Variants in SPECC1 observed in about 807,000 individuals in gnomAD.
SPECC1 encodes sperm antigen with calponin homology and coiled-coil domains 1.
Under a neutral mutation model 104.1 loss-of-function variants are expected in SPECC1, and 62 were observed. That is an observed-to-expected ratio of 0.60 (90% confidence interval 0.49 to 0.74). The LOEUF is 0.74. Ranked by LOEUF, SPECC1 falls within the 30% of genes least tolerant of loss-of-function variation. SPECC1 has a pLI of 0.00. For synonymous variants in SPECC1, 513 were observed against 501.6 expected, an observed-to-expected ratio of 1.02 and a Z score of -0.30; for missense variants, 1,306 against 1,310.5, an observed-to-expected ratio of 1.00 and a Z score of 0.05.
chr17:20,154,839 A>G (rs771300714), intron 3 of SPECC1, among the ~76,000 whole-genome samples: 36 of 152,244 alleles, frequency 2.4e-4, no homozygotes, highest in Middle Eastern at 3.4e-3. Flanking sequence ...ATGTAGGGCT[A>G]TTTATGATAC....
At chr17:20,153,524 T>C (rs1481597902) in intron 3 of SPECC1, among the ~76,000 whole-genome samples, 3 of 152,138 alleles carry the variant, frequency 2.0e-5, no homozygotes, top group African/African-American at 7.2e-5. Flanking sequence ...CAGTAGCCCT[T>C]GTGAAGCAAA....
Position 20,115,005 on chromosome 17 carries a change from C to G in SPECC1, c.283+4443C>G, listed in dbSNP as rs1176159044. ...CAGGAATTATAGAATGTGTTATTCA[C>G]TCACTTAAAGGTACCTCTGTAGAAA... is the stretch of plus-strand genomic sequence containing the variant. On this transcript the variant is annotated intron_variant, in intron 3 of 14. Transcript: ENST00000395527. 2.0e-5 allele frequency among the ~76,000 whole-genome samples: 3 copies of G among 152,166 alleles called. No homozygotes were observed. The South Asian group carries it at 6.2e-4, about 32-fold the overall frequency.
intron 1 of SPECC1, among the ~76,000 whole-genome samples, chr17:20,022,219 G>A (rs192136420): frequency 3.3e-5 from 5 of 152,236 alleles, no homozygotes; most frequent in African/African-American, 9.6e-5. Flanking sequence ...GGGATTACAG[G>A]TGTGAGCCAC....
At chr17:20,117,325 T>C (rs1017226129) in intron 3 of SPECC1, among the ~76,000 whole-genome samples, 4 of 152,166 alleles carry the variant, frequency 2.6e-5, no homozygotes, top group African/African-American at 9.7e-5. Context: ...TTTGTAGTCT[T>C]GGCCTTGGAA....
At chr17:20,204,308 A>ATTT in intron 3 of SPECC1, 25 bp from the exon 4 acceptor site, 2 of 1,579,472 alleles carry the variant, frequency 1.3e-6, no homozygotes, top group Admixed American at 1.9e-5. Flanking sequence ...TTATTTTTTC[A>ATTT]TTTTTTTCTT....
intron 7 of SPECC1, chr17:20,238,394 C>T: frequency 9.6e-7 from 1 of 1,041,436 alleles, no homozygotes. Flanking sequence ...CAACCTCCAT[C>T]AGGCAGAAAC....
intron 1 of SPECC1, among the ~76,000 whole-genome samples, chr17:20,093,196 C>A (rs1797717069): frequency 6.6e-6 from 1 of 152,152 alleles, no homozygotes; most frequent in South Asian, 2.1e-4. Context: ...ATCAAGGTGC[C>A]ACTAGATTTG....
chr17:20,248,157 C>A (rs1483769700), intron 9 of SPECC1, among the ~76,000 whole-genome samples: 1 of 152,172 alleles, frequency 6.6e-6, no homozygotes, highest in Non-Finnish European at 1.5e-5. Flanking sequence ...ACCTCTGCTC[C>A]CCTGCCACAG....
At chr17:20,190,409 C>A (rs1020665561) in intron 3 of SPECC1, among the ~76,000 whole-genome samples, 10 of 152,068 alleles carry the variant, frequency 6.6e-5, no homozygotes, top group African/African-American at 2.2e-4. Context: ...TGCCCTGCTG[C>A]CCTACCCCTT....
chr17:20,088,292 T>C (rs1310515303), intron 1 of SPECC1, among the ~76,000 whole-genome samples: 3 of 152,202 alleles, frequency 2.0e-5, no homozygotes, highest in African/African-American at 7.2e-5. Context: ...TTTACCATCT[T>C]AACCATTTTT....
chr17:20,125,475 A>G (rs1006663821), intron 3 of SPECC1, among the ~76,000 whole-genome samples: 20 of 152,190 alleles, frequency 1.3e-4, no homozygotes, highest in Non-Finnish European at 2.2e-4. Flanking sequence ...TTCAGGGGCA[A>G]TGCTGCATAG....
intron 3 of SPECC1, among the ~76,000 whole-genome samples, chr17:20,154,163 AT>A (rs2032256231): frequency 6.6e-6 from 1 of 152,160 alleles, no homozygotes; most frequent in African/African-American, 2.4e-5. Context: ...GTTTTCATTC[AT>A]TTGTTCCGAG....
chr17:20,090,853 G>T (rs2047374130), intron 1 of SPECC1, among the ~76,000 whole-genome samples: 1 of 152,060 alleles, frequency 6.6e-6, no homozygotes, highest in East Asian at 1.9e-4. Context: ...TTCATATTTG[G>T]GACTTGCCTC....
chr17:20,134,054 T>A (rs866036007), intron 3 of SPECC1, among the ~76,000 whole-genome samples: 8 of 151,516 alleles, frequency 5.3e-5, no homozygotes, highest in South Asian at 2.1e-4. Flanking sequence ...TTACTTCATA[T>A]AATGTTTATA....
At chr17:20,140,985 T>G (rs2030716108) in intron 3 of SPECC1, among the ~76,000 whole-genome samples, 1 of 152,216 alleles carries the variant, frequency 6.6e-6, no homozygotes, top group Non-Finnish European at 1.5e-5. Context: ...ACAGTCACTC[T>G]GGTGAACAAC....
chr17:20,276,128 T>A (rs1013979873), intron 12 of SPECC1, among the ~76,000 whole-genome samples: 3 of 152,266 alleles, frequency 2.0e-5, no homozygotes, highest in Middle Eastern at 6.8e-3. Flanking sequence ...TCTCTTTTTT[T>A]CCCCCAGAGT....
Position 20,205,067 on chromosome 17 carries a change from T to G in SPECC1, c.1018T>G (p.Ser340Ala). The G allele has an allele frequency of 6.2e-7, 1 of 1,614,172 alleles. No individual in the cohort carries two copies. Among genetic ancestry groups the G allele is most frequent in the South Asian group, 1.1e-5 (1 of 91,074 alleles). Residue 340 changes from serine (S) to alanine (A), a missense_variant, in exon 4 of 15, where the codon TCA (serine) becomes GCA (alanine). Coordinates refer to ENST00000395527, the MANE Select transcript of SPECC1 (RefSeq NM_001243439.2). ...DFEHITAETP[S>A]RPLSSTSNPF... is the part of the protein sequence containing the mutation. Reference sequence around the variant, plus strand: ...TGAGCACATTACAGCAGAGACACCCTCAAGGCCCCTGTCCTCCACCAGTAA... The same window carrying G: ...TGAGCACATTACAGCAGAGACACCCGCAAGGCCCCTGTCCTCCACCAGTAA...
At chr17:20,079,123 G>A (rs2046872860) in intron 1 of SPECC1, among the ~76,000 whole-genome samples, 1 of 152,182 alleles carries the variant, frequency 6.6e-6, no homozygotes, top group Admixed American at 6.5e-5. Context: ...AGCAACCCAA[G>A]AGGCATGGAG....
In SPECC1 at chr17:20,174,035, C is replaced by T. The variant is rs573553748; in HGVS notation, c.284-30298C>T. 2.6e-5 allele frequency among the ~76,000 whole-genome samples: 4 copies of T among 151,892 alleles called. No individual in the cohort carries two copies. In the East Asian group the frequency reaches 7.8e-4, roughly 29 times the overall value. On this transcript the variant is annotated intron_variant, in intron 3 of 14. Coordinates refer to ENST00000395527, the MANE Select transcript of SPECC1 (RefSeq NM_001243439.2). ...GCAATCTCCACCTCCCAGGTTCAAG[C>T]GATCCTCCTGCTCAACCTCCCAAGT...
Sources: allele counts gnomAD v4.1 joint callset (sites outside exome capture counted in the v4.1 genomes callset), GRCh38; gene constraint gnomAD v4.1.1; transcripts MANE v1.5; gene names NCBI Gene and HGNC (gene_info 2026-07-23, HGNC 2026-07-21).